Variants in EXT1 observed in about 807,000 individuals in gnomAD.
The protein encoded by EXT1 is exostosin glycosyltransferase 1.
Under a neutral mutation model 82.5 loss-of-function variants are expected in EXT1, and 20 were observed. That is an observed-to-expected ratio of 0.24 (90% CI 0.17 to 0.35). The LOEUF (loss-of-function observed/expected upper bound fraction) is 0.35. Among genes scored for constraint, EXT1 ranks in the 10% least tolerant of loss-of-function variants. The probability of loss-of-function intolerance (pLI) is 1.00; values close to 1 mark genes in which losing one functional copy is unlikely to be tolerated. For missense variants in EXT1, 757 were observed against 936.5 expected (o/e 0.81, Z 2.50); for synonymous variants, 348 against 350.8 (o/e 0.99, Z 0.09).
In EXT1 at chr8:117,799,678, T is replaced by A; in HGVS notation, c.*34A>T. The stretch of plus-strand genomic sequence containing the variant: ...GAGAGAGCAGCTTGACCCCCATCCC[T>A]TCTTGCTTCCCCTCCCCCACTCAGC... On this transcript the variant is annotated 3_prime_UTR_variant, in exon 11 of 11. Transcript: ENST00000378204. 1 of 1,612,958 alleles carries A rather than the reference T, an allele frequency of 6.2e-7. No individual in the cohort carries two copies. Among genetic ancestry groups the A allele is most frequent in the Non-Finnish European group, 8.5e-7 (1 of 1,179,186 alleles).
rs114807367 is a variant in EXT1 at position 117,852,771 on chromosome 8, G to A, written c.963-15570C>T. ...TCCATTTACCAATAGCACTTATTAC[G>A]TACCCACTAAGCACCAGGCATTCTA... On this transcript the variant is annotated intron_variant, in intron 1 of 10. Transcript: ENST00000378204. Among the ~76,000 whole-genome samples the A allele has an allele frequency of 2.2e-3, 339 of 152,208 alleles. 1 individual carries two copies. Among genetic ancestry groups the A allele is most frequent in the African/African-American group, 7.8e-3 (325 of 41,514 alleles).
intron 1 of EXT1, among the ~76,000 whole-genome samples, chr8:117,979,672 C>A (rs556668379): frequency 5.4e-4 from 82 of 152,160 alleles, no homozygotes; most frequent in Non-Finnish European, 1.1e-3. Context: ...CACCATTTAT[C>A]CTAGATGCGT....
rs1227529302 is a variant in EXT1, at chr8:117,828,506, T to TA, written c.1284+1723dup. Reference sequence around the variant, plus strand: ...CCTGGTGACAGAGTGAGATCCTGTCTAAAAAAAAAAAAGAAAGGCACTCTG... The same window carrying TA: ...CCTGGTGACAGAGTGAGATCCTGTCTAAAAAAAAAAAAAGAAAGGCACTCTG... On this transcript the variant is annotated intron_variant, in intron 4 of 10. Coordinates refer to ENST00000378204, the MANE Select transcript of EXT1 (RefSeq NM_000127.3). Among the ~76,000 whole-genome samples, 467 of 136,242 alleles carry TA rather than the reference T, an allele frequency of 3.4e-3. 3 individuals are homozygous for TA. The highest frequency in any genetic ancestry group is 7.4e-3 in the African/African-American group (273 of 37,106). 89.4% of individuals were successfully genotyped at this position (136,242 alleles called of 152,430 possible).
intron 1 of EXT1, among the ~76,000 whole-genome samples, chr8:118,103,376 T>C (rs1339249954): frequency 6.6e-6 from 1 of 152,144 alleles, no homozygotes; most frequent in Non-Finnish European, 1.5e-5. Context: ...GATCTAGAAC[T>C]CCTGGGCTCA....
chr8:117,886,301 C>A (rs1408419120), intron 1 of EXT1, among the ~76,000 whole-genome samples: 2 of 152,226 alleles, frequency 1.3e-5, no homozygotes, highest in African/African-American at 4.8e-5. Flanking sequence ...TTATACTGCA[C>A]TGAATTCATT....
At chr8:117,841,263 C>G (rs146774665) in intron 1 of EXT1, among the ~76,000 whole-genome samples, 1 of 152,150 alleles carries the variant, frequency 6.6e-6, no homozygotes, top group African/African-American at 2.4e-5. Context: ...TTGATACACA[C>G]GACAACTTCA....
intron 1 of EXT1, among the ~76,000 whole-genome samples, chr8:117,880,594 CTTTTTTT>C (rs58814828): frequency 7.0e-6 from 1 of 142,554 alleles, no homozygotes; most frequent in Non-Finnish European, 1.5e-5. Context: ...CCTCTTTTTT[CTTTTTTT>C]TTTTTTTGAG....
chr8:117,895,670 C>A, intron 1 of EXT1, among the ~76,000 whole-genome samples: 1 of 152,292 alleles, frequency 6.6e-6, no homozygotes, highest in East Asian at 1.9e-4. Context: ...TAGGGACTGG[C>A]ATTTCAAAGT....
chr8:118,047,576 G>T (rs35247176), intron 1 of EXT1, among the ~76,000 whole-genome samples: 3 of 152,036 alleles, frequency 2.0e-5, no homozygotes, highest in Non-Finnish European at 2.9e-5. Flanking sequence ...AATAAATGGT[G>T]CTCTCTTTTC....
chr8:117,819,526 G>A (rs1436778550), intron 6 of EXT1, 150 bp downstream of exon 6: 3 of 762,286 alleles, frequency 3.9e-6, no homozygotes, highest in Admixed American at 1.8e-5. Context: ...AGGGTGTAAC[G>A]AGGCAGGATG....
intron 1 of EXT1, among the ~76,000 whole-genome samples, chr8:118,095,993 C>A (rs1297217890): frequency 6.6e-6 from 1 of 152,184 alleles, no homozygotes; most frequent in African/African-American, 2.4e-5. Context: ...AATGATAAAT[C>A]TCAATATGAA....
chr8:117,881,179 C>T (rs773389268), intron 1 of EXT1, among the ~76,000 whole-genome samples: 18 of 152,024 alleles, frequency 1.2e-4, no homozygotes, highest in Non-Finnish European at 2.2e-4. Context: ...TTTTAAAAAA[C>T]GCAGCTTGAA....
intron 1 of EXT1, among the ~76,000 whole-genome samples, chr8:117,963,238 G>T (rs1370272048): frequency 6.6e-6 from 1 of 152,146 alleles, no homozygotes; most frequent in Non-Finnish European, 1.5e-5. Context: ...ATGTCTGCAG[G>T]CAGCTGTGGT....
chr8:117,811,903 C>T (rs974547852), intron 8 of EXT1, among the ~76,000 whole-genome samples: 9 of 152,130 alleles, frequency 5.9e-5, no homozygotes, highest in African/African-American at 1.7e-4. Flanking sequence ...CGTGAGCCAC[C>T]GCGTCAGGCC....
intron 7 of EXT1, among the ~76,000 whole-genome samples, chr8:117,814,823 C>T (rs1047459623): frequency 6.6e-6 from 1 of 152,034 alleles, no homozygotes; most frequent in African/African-American, 2.4e-5. Context: ...GCTGCAGTCT[C>T]CCCAAATCTG....
chr8:117,829,085 G>A (rs2129768127), intron 4 of EXT1, among the ~76,000 whole-genome samples: 1 of 152,170 alleles, frequency 6.6e-6, no homozygotes. Context: ...CAAAAGGAAG[G>A]CCACAATGCC....
chr8:117,984,310 T>C (rs1563620884), intron 1 of EXT1, among the ~76,000 whole-genome samples: 1 of 151,886 alleles, frequency 6.6e-6, no homozygotes, highest in Admixed American at 6.6e-5. Flanking sequence ...TCCCAGCTAC[T>C]TGGGAGGCTG....
At chr8:117,992,907 A>G (rs1815464907) in intron 1 of EXT1, among the ~76,000 whole-genome samples, 1 of 152,154 alleles carries the variant, frequency 6.6e-6, no homozygotes, top group South Asian at 2.1e-4. Context: ...ACTTTTCACT[A>G]CTTTACTGTC....
At chr8:118,045,755 G>C (rs11562686) in intron 1 of EXT1, among the ~76,000 whole-genome samples, 9,029 of 151,442 alleles carry the variant, frequency 0.06, 667 homozygotes, top group African/African-American at 0.17. Context: ...CTTCTTACTA[G>C]ATAAGGGTCC....
Sources: gnomAD v4.1 joint callset for allele counts (sites outside exome capture counted in the v4.1 genomes callset) on GRCh38, gnomAD v4.1.1 for gene constraint, MANE v1.5 for transcripts, NCBI Gene and HGNC (gene_info 2026-07-23, HGNC 2026-07-21) for gene names.